Variants in SASH1 observed in about 807,000 individuals in gnomAD.
SASH1 encodes the protein SAM and SH3 domain-containing protein 1.
Under a neutral mutation model 125.2 loss-of-function variants are expected in SASH1, and 44 were observed. That is an observed-to-expected ratio of 0.35 (90% CI 0.28 to 0.45). The LOEUF (loss-of-function observed/expected upper bound fraction) is 0.45. Among genes scored for constraint, SASH1 ranks in the 20% least tolerant of loss-of-function variants. The pLI is 1.00. For synonymous variants in SASH1, 639 were observed against 649.1 expected (o/e 0.98, Z 0.24); for missense variants, 1,426 against 1,614.5 (o/e 0.88, Z 2.00).
chr6:148,428,321 T>C (rs774504139), intron 2 of SASH1, among the ~76,000 whole-genome samples: 9 of 152,176 alleles, frequency 5.9e-5, no homozygotes, highest in Admixed American at 4.6e-4. Flanking sequence ...AATAAGTAAC[T>C]AATAACTGCA....
chr6:148,516,590 A>G (rs960987389), intron 9 of SASH1, among the ~76,000 whole-genome samples: 9 of 146,080 alleles, frequency 6.2e-5, no homozygotes, highest in Non-Finnish European at 1.2e-4. Flanking sequence ...CTGCATGATA[A>G]TCATCATGTA....
At chr6:148,363,322 T>C (rs1782319609) in intron 1 of SASH1, among the ~76,000 whole-genome samples, 1 of 151,404 alleles carries the variant, frequency 6.6e-6, no homozygotes, top group African/African-American at 2.4e-5. Flanking sequence ...TTTATTTTTT[T>C]GTAGAGACAG....
At position 148,379,543 on chromosome 6, in the gene SASH1, G is replaced by C. The variant is rs183450683; in HGVS notation, c.157-10591G>C. Among the ~76,000 whole-genome samples the C allele has an allele frequency of 3.1e-4, 47 of 152,188 alleles. No homozygotes were observed. In the East Asian group the frequency reaches 8.3e-3, roughly 27 times the overall value. ...GGCAGTCTGTCAATTCCTAGTTACC[G>C]AGTGAATTTTATGGCACTCTCAGGA... On this transcript the variant is annotated intron_variant, in intron 1 of 19. Transcript: ENST00000367467.
rs953372558 is a variant in SASH1 at position 148,306,739 on chromosome 6, C to T, written n.74+34362C>T. On this transcript the variant is annotated intron_variant and non_coding_transcript_variant, in intron 1 of 3. Transcript: ENST00000367469. ...TTTTCTTCTTCATTCCTCCTTTCCC[C>T]CTGAGAAAGAGGCTGTAGAACACAT... 2.0e-5 allele frequency among the ~76,000 whole-genome samples: 3 copies of T among 152,172 alleles called. No individual in the cohort carries two copies. The South Asian group carries it at 6.2e-4, about 32-fold the overall frequency.
chr6:148,331,819 GTAGCTAGGAC>G (rs1322893721), intron 1 of SASH1, among the ~76,000 whole-genome samples: 1 of 151,934 alleles, frequency 6.6e-6, no homozygotes, highest in Non-Finnish European at 1.5e-5. Context: ...AGCCTCCCCA[GTAGCTAGGAC>G]TACAGGGACA....
intron 17 of SASH1, among the ~76,000 whole-genome samples, chr6:148,541,132 G>A (rs759149997): frequency 5.9e-5 from 9 of 151,990 alleles, no homozygotes; most frequent in African/African-American, 1.9e-4. Context: ...GTGGTTTCCT[G>A]TTGTGACCCC....
chr6:148,244,609 A>G, the SASH1 span, among the ~76,000 whole-genome samples: 1 of 152,074 alleles, frequency 6.6e-6, no homozygotes, highest in Admixed American at 6.5e-5. Context: ...CCGTTTCTTT[A>G]ATAGGGAAGA....
At chr6:148,423,019 A>G (rs1583133265) in intron 2 of SASH1, among the ~76,000 whole-genome samples, 2 of 152,058 alleles carry the variant, frequency 1.3e-5, no homozygotes, top group Admixed American at 1.3e-4. Context: ...GCTTACTGCA[A>G]CCTCTGCCTC....
At chr6:148,215,847 T>G in the SASH1 span, among the ~76,000 whole-genome samples, 1 of 151,912 alleles carries the variant, frequency 6.6e-6, no homozygotes, top group Admixed American at 6.6e-5. Context: ...ACTTTTTTAT[T>G]TATTTATTTT....
chr6:148,387,580 CTTTCTTTCTTTCT>C (rs1783452036), intron 1 of SASH1, among the ~76,000 whole-genome samples: 1 of 5,958 alleles, frequency 1.7e-4, no homozygotes, highest in South Asian at 0.01. Context: ...TTCTTTCTTT[CTTTCTTTCTTTCT>C]TTCTTTCTTT....
chr6:148,243,475 A>G, the SASH1 span, among the ~76,000 whole-genome samples: 5,876 of 144,926 alleles, frequency 0.041, 180 homozygotes, highest in East Asian at 0.15. Context: ...TAATAATAAT[A>G]ATAATAGTAA....
At chr6:148,218,021 A>AT in the SASH1 span, among the ~76,000 whole-genome samples, 2 of 151,554 alleles carry the variant, frequency 1.3e-5, no homozygotes, top group Non-Finnish European at 2.9e-5. Flanking sequence ...TCTCAAAAAA[A>AT]AAAAAATAAA....
chr6:148,319,123 C>T (rs1666267379), intron 1 of SASH1, among the ~76,000 whole-genome samples: 1 of 147,604 alleles, frequency 6.8e-6, no homozygotes, highest in Non-Finnish European at 1.5e-5. Context: ...AGCTCCGCCT[C>T]CCGAGTTCAT....
chr6:148,398,061 A>T (rs73788543), intron 2 of SASH1, among the ~76,000 whole-genome samples: 33,346 of 151,986 alleles, frequency 0.22, 3,823 homozygotes, highest in South Asian at 0.29. Flanking sequence ...GTGGGGAGTA[A>T]CTTCAGGGAG....
At chr6:148,288,672 G>A (rs941592167) in intron 1 of SASH1, among the ~76,000 whole-genome samples, 5 of 126,816 alleles carry the variant, frequency 3.9e-5, no homozygotes, top group African/African-American at 9.2e-5. Flanking sequence ...AGACACACAC[G>A]GAATACACAC....
chr6:148,194,829 CTA>C, the SASH1 span, among the ~76,000 whole-genome samples: 3 of 152,192 alleles, frequency 2.0e-5, no homozygotes, highest in Admixed American at 2.0e-4. Context: ...TGGCGTGAAC[CTA>C]GGAGGCGGAG....
At chr6:148,355,492 A>C (rs1781895467) in intron 1 of SASH1, among the ~76,000 whole-genome samples, 1 of 152,254 alleles carries the variant, frequency 6.6e-6, no homozygotes, top group Non-Finnish European at 1.5e-5. Flanking sequence ...AATCTTCATG[A>C]TGTAACTTTA....
intron 1 of SASH1, among the ~76,000 whole-genome samples, chr6:148,319,244 C>T (rs1446763286): frequency 1.3e-5 from 2 of 151,482 alleles, no homozygotes; most frequent in Non-Finnish European, 2.9e-5. Context: ...CCGTGTTTTG[C>T]CAGGATGGTC....
At chr6:148,390,002 A>G in intron 1 of SASH1, 132 bp from the exon 2 acceptor site, 2 of 1,043,988 alleles carry the variant, frequency 1.9e-6, no homozygotes, top group Non-Finnish European at 2.8e-6. Flanking sequence ...ATGTAAAACA[A>G]CCTGGCACTT....
Sources: allele counts gnomAD v4.1 joint callset (sites outside exome capture counted in the v4.1 genomes callset), GRCh38; gene constraint gnomAD v4.1.1; transcripts MANE v1.5; gene names NCBI Gene and HGNC (gene_info 2026-07-23, HGNC 2026-07-21).